The following EIF5A variants were observed in gnomAD, a reference collection of about 807,000 sequenced individuals.
The protein encoded by EIF5A is eukaryotic translation initiation factor 5A.
Under a neutral mutation model 16.6 loss-of-function variants are expected in EIF5A, and 1 was observed. That is an observed-to-expected ratio of 0.06 (90% confidence interval 0.02 to 0.28). The LOEUF (loss-of-function observed/expected upper bound fraction) is 0.28, where lower values mean the gene tolerates loss of function less well. Among genes scored for constraint, EIF5A ranks in the 10% least tolerant of loss-of-function variants. EIF5A has a pLI of 1.00. For missense variants in EIF5A, 29 were observed against 196.1 expected (o/e 0.15, Z 5.09); for synonymous variants, 80 against 73.6 (o/e 1.09, Z -0.44).
At position 7,307,831 on chromosome 17, in the gene EIF5A, G is replaced by T. The variant is rs1026509653; in HGVS notation, c.-22+79G>T. The T allele has an allele frequency of 1.1e-5, 11 of 984,442 alleles. No homozygotes were observed. The East Asian group carries it at 1.3e-3, about 113-fold the overall frequency. 61.0% of individuals were successfully genotyped at this position (984,442 alleles called of 1,614,324 possible). A position where few individuals can be genotyped will look rare whatever the true frequency, so the allele number is the denominator to read the frequency against. On this transcript the variant is annotated intron_variant, in intron 1 of 5. Transcript: ENST00000336458. Reference sequence around the variant, plus strand: ...GATGGAACTGCGCGGGGGTCGGGGAGGGGGCAGAGGGGAGCGGCGGCCGCC... The same window carrying T: ...GATGGAACTGCGCGGGGGTCGGGGATGGGGCAGAGGGGAGCGGCGGCCGCC...
chr17:7,307,039 T>G, upstream of EIF5A: 3 of 1,591,162 alleles, frequency 1.9e-6, no homozygotes, highest in Non-Finnish European at 1.7e-6. Flanking sequence ...GAAAGACATC[T>G]CCCGCGCATG....
chr17:7,309,135 G>C (rs527415009), intron 1 of EIF5A, among the ~76,000 whole-genome samples: 2 of 151,912 alleles, frequency 1.3e-5, no homozygotes, highest in Non-Finnish European at 2.9e-5. Flanking sequence ...TGGATGGGGG[G>C]GGGCAGTGTA....
rs148780248 is a variant in EIF5A, at chr17:7,311,978, C to T, written c.*168C>T. On this transcript the variant is annotated 3_prime_UTR_variant, in exon 6 of 6. Transcript: ENST00000336458. ...CACCCCCTCAATCTGTCGGGGAGCC[C>T]CTGCCCTTCACCTAGCTCCCTTGGC... is the stretch of plus-strand genomic sequence containing the variant. The T allele has an allele frequency of 6.9e-5, 28 of 405,014 alleles. No individual in the cohort carries two copies. The South Asian group carries it at 7.1e-4, about 10-fold the overall frequency. 25.1% of individuals were successfully genotyped at this position (405,014 alleles called of 1,614,324 possible). A position where few individuals can be genotyped will look rare whatever the true frequency, so the allele number is the denominator to read the frequency against.
chr17:7,309,981 CCTCTTCTGT>C, intron 2 of EIF5A, 181 bp downstream of exon 2: 2 of 1,534,736 alleles, frequency 1.3e-6, no homozygotes, highest in Non-Finnish European at 1.7e-6. Flanking sequence ...CAGTCTTCAG[CCTCTTCTGT>C]GGTTACCCTT....
chr17:7,308,013 C>T (rs1022309857), intron 1 of EIF5A: 2 of 984,924 alleles, frequency 2.0e-6, no homozygotes, highest in South Asian at 9.3e-5. Flanking sequence ...CGGGAGAGGC[C>T]GCCAGGCGGC....
At chr17:7,310,564 T>C in intron 2 of EIF5A, 1 of 1,082,938 alleles carries the variant, frequency 9.2e-7, no homozygotes, top group Non-Finnish European at 1.1e-6. Context: ...ATTTTCTAGC[T>C]ACATAGTTAT....
chr17:7,309,051 C>A (rs967770351), intron 1 of EIF5A, among the ~76,000 whole-genome samples: 1 of 151,716 alleles, frequency 6.6e-6, no homozygotes. Context: ...TGGCTTGTTG[C>A]AAGTGCATGT....
chr17:7,307,622 G>C (rs989528090), upstream of EIF5A: 8 of 1,026,324 alleles, frequency 7.8e-6, no homozygotes, highest in Non-Finnish European at 9.4e-6. Flanking sequence ...GGGAGTCGGC[G>C]CCTGCGTACT....
chr17:7,311,519 G>C, intron 4 of EIF5A, 38 bp downstream of exon 4: 1 of 1,614,126 alleles, frequency 6.2e-7, no homozygotes, highest in Non-Finnish European at 8.5e-7. Context: ...GCTCAGCTTT[G>C]TTCTGTACGT....
intron 1 of EIF5A, chr17:7,308,401 C>A: frequency 8.0e-7 from 1 of 1,255,812 alleles, no homozygotes; most frequent in South Asian, 1.3e-5. Context: ...GCGCGGGGAG[C>A]TAGTCCTCGC....
At chr17:7,310,947 G>A (rs2072807351) in intron 2 of EIF5A, 71 bp from the exon 3 acceptor site, 1 of 1,529,022 alleles carries the variant, frequency 6.5e-7, no homozygotes, top group Admixed American at 2.0e-5. Flanking sequence ...CATCAGGCAA[G>A]GTCAATTTGA....
At chr17:7,307,219 G>C, upstream of EIF5A, 4 of 1,330,654 alleles carry the variant, frequency 3.0e-6, no homozygotes, top group Non-Finnish European at 4.1e-6. Flanking sequence ...TCAACGCCTG[G>C]CGTACTGACG....
rs2072756730 is a variant in EIF5A at position 7,309,749 on chromosome 17, T to C, written c.114T>C (p.Cys38=). 1 of 1,614,248 alleles carries C rather than the reference T, an allele frequency of 6.2e-7. No individual in the cohort carries two copies. The highest frequency in any genetic ancestry group is 8.5e-7 in the Non-Finnish European group (1 of 1,180,040). ...TTGTGGTGCTCAAAGGCCGGCCATG[T>C]AAGATCGTCGAGATGTCTACTTCGA... ...NGFVVLKGRP[C]KIVEMSTSKT... is the part of the protein sequence containing the mutation. Residue 38 remains cysteine, a synonymous_variant, in exon 2 of 6, where the codon TGT becomes TGC. Transcript: ENST00000336458.
upstream of EIF5A, chr17:7,307,435 T>G (rs945527286): frequency 1.5e-5 from 16 of 1,096,946 alleles, no homozygotes; most frequent in African/African-American, 2.7e-4. Flanking sequence ...GCAGATTAGT[T>G]GAAAACGCTC....
chr17:7,307,444 T>C, upstream of EIF5A: 4 of 1,073,354 alleles, frequency 3.7e-6, no homozygotes, highest in Non-Finnish European at 4.5e-6. Context: ...TTGAAAACGC[T>C]CAGGGTTTGT....
intron 1 of EIF5A, chr17:7,308,195 C>T (rs1007459777): frequency 4.0e-6 from 4 of 995,186 alleles, no homozygotes; most frequent in Non-Finnish European, 4.9e-6. Context: ...GGCGTGGCTC[C>T]GGCCTGGCGC....
chr17:7,308,341 C>T (rs2072696619), intron 1 of EIF5A: 86 of 1,174,500 alleles, frequency 7.3e-5, no homozygotes, highest in Non-Finnish European at 9.1e-5. Context: ...AGGTCCCGGC[C>T]ACCGGAAGCC....
chr17:7,311,785 T>C (rs2072836575), intron 5 of EIF5A, 37 bp from the exon 6 acceptor site: 7 of 1,192,452 alleles, frequency 5.9e-6, no homozygotes, highest in Non-Finnish European at 8.4e-6. Context: ...CTGTTGAAGG[T>C]ATTATCCTGT....
In EIF5A at chr17:7,309,789, G is replaced by GGCCA; in HGVS notation, c.155_158dup (p.His53GlnfsTer11). 6.2e-7 allele frequency: 1 copy of GGCCA among 1,614,228 alleles called. No homozygotes were observed. The highest frequency in any genetic ancestry group is 8.5e-7 in the Non-Finnish European group (1 of 1,180,044). On this transcript the variant is annotated frameshift_variant, in exon 2 of 6. Transcript: ENST00000336458. LOFTEE classifies it high-confidence loss of function. ...GTCTACTTCGAAGACTGGCAAGCACGGCCACGCCAAGGTTAGAATTTCACC... is the reference window on the plus strand; with the variant it reads ...GTCTACTTCGAAGACTGGCAAGCACGGCCAGCCACGCCAAGGTTAGAATTTCACC...
Sources: gnomAD v4.1 joint callset for allele counts (sites outside exome capture counted in the v4.1 genomes callset) on GRCh38, gnomAD v4.1.1 for gene constraint, MANE v1.5 for transcripts, NCBI Gene and HGNC (gene_info 2026-07-23, HGNC 2026-07-21) for gene names.